The following SPECC1 variants were observed in gnomAD, a reference collection of about 807,000 sequenced individuals.
The protein encoded by SPECC1 is cytospin-B.
A neutral mutation model predicts 104.1 loss-of-function variants in SPECC1; 62 were observed. That is an observed-to-expected ratio of 0.60 (90% confidence interval 0.49 to 0.74). SPECC1 has a LOEUF of 0.74. Ranked by LOEUF, SPECC1 falls within the 30% of genes least tolerant of loss-of-function variation. The pLI is 0.00. For synonymous variants in SPECC1, 513 were observed against 501.6 expected (o/e 1.02, Z -0.30); for missense variants, 1,306 against 1,310.5 (o/e 1.00, Z 0.05).
rs890210811 is a variant in SPECC1 at position 20,034,708 on chromosome 17, C to T, written c.-22+25284C>T. Among the ~76,000 whole-genome samples, 5 of 149,640 alleles carry T rather than the reference C, an allele frequency of 3.3e-5. No individual in the cohort carries two copies. In the East Asian group the frequency reaches 8.0e-4, roughly 24 times the overall value. On this transcript the variant is annotated intron_variant, in intron 1 of 14. Transcript: ENST00000395527. ...GCAACCTCTGCCCCCCGGGTTCAAG[C>T]GATTCTCATGCCTCAGCCTCCCAAG...
chr17:20,238,173 C>A, intron 7 of SPECC1: 1 of 1,034,534 alleles, frequency 9.7e-7, no homozygotes, highest in Non-Finnish European at 1.2e-6. Context: ...GAAGTTTGAT[C>A]ATAAAGGATG....
intron 3 of SPECC1, among the ~76,000 whole-genome samples, chr17:20,122,021 G>C (rs918605932): frequency 6.6e-6 from 1 of 152,236 alleles, no homozygotes; most frequent in Admixed American, 6.5e-5. Context: ...AGGTACATGA[G>C]CAAGACGTGG....
intron 3 of SPECC1, chr17:20,185,138 C>T (rs2035174345): frequency 6.6e-6 from 1 of 152,238 alleles, no homozygotes; most frequent in East Asian, 1.9e-4. Flanking sequence ...AGATAAAAAT[C>T]TGTCTTGTCA....
chr17:20,225,802 A>G (rs1408323241), intron 4 of SPECC1, among the ~76,000 whole-genome samples: 1 of 152,204 alleles, frequency 6.6e-6, no homozygotes, highest in Non-Finnish European at 1.5e-5. Context: ...GTGTTCCTGC[A>G]GGGAAGCCAT....
intron 14 of SPECC1, among the ~76,000 whole-genome samples, chr17:20,307,427 C>T (rs143112637): frequency 8.5e-5 from 13 of 152,252 alleles, no homozygotes; most frequent in African/African-American, 2.2e-4. Context: ...TCACTTCCAC[C>T]TACAGGGCAG....
In SPECC1 at chr17:20,153,471, TAGC is replaced by T. The variant is rs758189162; in HGVS notation, c.283+42913_283+42915del. Among the ~76,000 whole-genome samples, 105 of 152,200 alleles carry T rather than the reference TAGC, an allele frequency of 6.9e-4. 2 individuals carry two copies. Among genetic ancestry groups the T allele is most frequent in the Non-Finnish European group, 1.9e-4 (13 of 68,036 alleles). On this transcript the variant is annotated intron_variant, in intron 3 of 14. Coordinates refer to ENST00000395527, the MANE Select transcript of SPECC1 (RefSeq NM_001243439.2). ...AATTCAGGTGGAGGAGCAATTTAAGTAGCAGCGAAAGTGGAAGTAGTAAGTTAG... is the reference window on the plus strand; with the variant it reads ...AATTCAGGTGGAGGAGCAATTTAAGTAGCGAAAGTGGAAGTAGTAAGTTAG...
intron 1 of SPECC1, among the ~76,000 whole-genome samples, chr17:20,016,217 CAAAAAAA>C (rs71157853): frequency 9.6e-6 from 1 of 104,050 alleles, no homozygotes; most frequent in African/African-American, 3.4e-5. Flanking sequence ...GACTCCATCT[CAAAAAAA>C]AAAAAAAAAA....
intron 3 of SPECC1, among the ~76,000 whole-genome samples, chr17:20,152,967 C>T (rs1179605298): frequency 6.6e-6 from 1 of 152,180 alleles, no homozygotes; most frequent in Non-Finnish European, 1.5e-5. Flanking sequence ...CAGCCTCTTC[C>T]TCTTCTTATA....
intron 14 of SPECC1, among the ~76,000 whole-genome samples, chr17:20,309,266 T>C (rs1690457627): frequency 1.3e-5 from 2 of 152,238 alleles, no homozygotes; most frequent in African/African-American, 4.8e-5. Context: ...CAGTCAGAAG[T>C]GACAGCAGTA....
Position 20,298,921 on chromosome 17 carries a change from A to AAGAG in SPECC1, c.3057+1869_3057+1872dup, listed in dbSNP as rs370856374. The stretch of plus-strand genomic sequence containing the variant: ...GAATTCTCCAAAAAAGCAGAACCAA[A>AAGAG]AGAGAGAGAGAGAGAGAGAGAGAGA... On this transcript the variant is annotated intron_variant, in intron 13 of 14. Coordinates refer to ENST00000395527, the MANE Select transcript of SPECC1 (RefSeq NM_001243439.2). Among the ~76,000 whole-genome samples, 363 of 72,646 alleles carry AAGAG rather than the reference A, an allele frequency of 5.0e-3. 6 individuals carry two copies. Among genetic ancestry groups the AAGAG allele is most frequent in the East Asian group, 7.5e-3 (4 of 532 alleles). The allele number at this position is 72,646 out of a possible 152,430, so 47.7% of individuals were successfully genotyped here.
chr17:20,219,616 A>G (rs1315223068), intron 4 of SPECC1, among the ~76,000 whole-genome samples: 3 of 152,058 alleles, frequency 2.0e-5, no homozygotes, highest in Non-Finnish European at 4.4e-5. Flanking sequence ...ATTTTCTCCC[A>G]TTCTGTGGGC....
chr17:20,092,941 C>T (rs541205006), intron 1 of SPECC1, among the ~76,000 whole-genome samples: 60 of 152,266 alleles, frequency 3.9e-4, no homozygotes, highest in African/African-American at 1.4e-3. Flanking sequence ...AGAGGCCATC[C>T]GTCCCTGGTG....
chr17:20,289,118 A>C (rs755089508), intron 12 of SPECC1, among the ~76,000 whole-genome samples: 6 of 151,992 alleles, frequency 3.9e-5, no homozygotes, highest in Admixed American at 6.6e-5. Flanking sequence ...GTGGCAAGAG[A>C]AAAAGAGGAC....
chr17:20,204,389 A>G lies in SPECC1; in HGVS notation c.340A>G (p.Thr114Ala), dbSNP rs1363739913. 1 of 1,613,974 alleles carries G rather than the reference A, an allele frequency of 6.2e-7. No individual in the cohort carries two copies. Among genetic ancestry groups the G allele is most frequent in the Admixed American group, 1.7e-5 (1 of 59,986 alleles). The change falls in exon 4 of 15, where the codon ACT becomes GCT. Residue 114 changes from threonine (T) to alanine (A), a missense_variant. By Grantham distance (58) the Thr-to-Ala change is moderately conservative (BLOSUM62 0). This residue lies in a region of SPECC1 where 1,177 missense variants were observed against 1,139.9 expected (regional missense o/e 1.03). Transcript: ENST00000395527. ...GIPAPREFSV[T>A]VSRERSVPRG... ...TCCAGCCCCACGGGAATTTTCAGTA[A>G]CTGTCTCAAGAGAGAGGTCTGTGCC...
chr17:20,266,538 A>G (rs1446291611), intron 12 of SPECC1, among the ~76,000 whole-genome samples: 1 of 152,132 alleles, frequency 6.6e-6, no homozygotes, highest in African/African-American at 2.4e-5. Context: ...GAGCCGAGAT[A>G]GCGCCACTGC....
At chr17:20,293,869 C>T (rs1440257142) in intron 12 of SPECC1, among the ~76,000 whole-genome samples, 1 of 152,058 alleles carries the variant, frequency 6.6e-6, no homozygotes, top group Non-Finnish European at 1.5e-5. Context: ...AGCAGGTGGC[C>T]GACAGGACTG....
chr17:20,057,808 G>A (rs1272826346), intron 1 of SPECC1: 2 of 152,092 alleles, frequency 1.3e-5, no homozygotes, highest in Non-Finnish European at 2.9e-5. Flanking sequence ...TTTCTATTTA[G>A]TTGATAATGG....
At chr17:20,165,479 C>T (rs568495843) in intron 3 of SPECC1, among the ~76,000 whole-genome samples, 1 of 152,264 alleles carries the variant, frequency 6.6e-6, no homozygotes, top group African/African-American at 2.4e-5. Flanking sequence ...TGGATTGATT[C>T]CATGTCTTTG....
intron 3 of SPECC1, among the ~76,000 whole-genome samples, chr17:20,134,848 G>A (rs1028769417): frequency 1.3e-5 from 2 of 152,192 alleles, no homozygotes; most frequent in African/African-American, 4.8e-5. Context: ...TATGGAAGAG[G>A]AGAAAAGGGA....
Sources: allele counts gnomAD v4.1 joint callset (sites outside exome capture counted in the v4.1 genomes callset), GRCh38; gene constraint gnomAD v4.1.1; regional missense constraint gnomAD v4.1.1; transcripts MANE v1.5; gene names NCBI Gene and HGNC (gene_info 2026-07-23, HGNC 2026-07-21).